GNB1: variants seen among roughly 807,000 people sequenced by gnomAD.
GNB1 encodes the protein G protein subunit beta 1, also known as guanine nucleotide-binding protein G(I)/G(S)/G(T) subunit beta-1.
A neutral mutation model predicts 42.9 loss-of-function variants in GNB1; 2 were observed. The observed-to-expected ratio is 0.05, with a 90% CI of 0.02 to 0.15. The LOEUF is 0.15. Among genes scored for constraint, GNB1 ranks in the 10% least tolerant of loss-of-function variants. The pLI is 1.00. For synonymous variants in GNB1, 183 were observed against 174.7 expected (o/e 1.05, Z -0.38); for missense variants, 193 against 462.2 (o/e 0.42, Z 5.34).
chr1:1,879,708 GAAA>G (rs574427054), intron 1 of GNB1, among the ~76,000 whole-genome samples: 3 of 118,488 alleles, frequency 2.5e-5, no homozygotes, highest in Non-Finnish European at 5.4e-5. Flanking sequence ...CTGTCTCAGG[GAAA>G]AAAAAAAAAA....
rs183079057 is a variant in GNB1, at chr1:1,818,620, T to C, written c.58-745A>G. 7.4e-3 allele frequency among the ~76,000 whole-genome samples: 1,125 copies of C among 152,152 alleles called. 20 individuals carry two copies. The highest frequency in any genetic ancestry group is 0.026 in the African/African-American group (1,072 of 41,528). ...GCTGACACCTATAATCCCAGCACTT[T>C]GGGAGGCCGAGGTGGGTGGATCACC... On this transcript the variant is annotated intron_variant, in intron 3 of 11. Coordinates refer to ENST00000378609, the MANE Select transcript of GNB1 (RefSeq NM_002074.5).
chr1:1,871,141 C>A (rs1188965296), intron 1 of GNB1, among the ~76,000 whole-genome samples: 2 of 152,060 alleles, frequency 1.3e-5, no homozygotes, highest in Non-Finnish European at 2.9e-5. Flanking sequence ...CCACCTAGTA[C>A]CTGCAGTCCT....
chr1:1,812,403 T>TAC (rs1468991069), intron 5 of GNB1, among the ~76,000 whole-genome samples: 29 of 55,614 alleles, frequency 5.2e-4, no homozygotes, highest in African/African-American at 7.4e-4. Context: ...TACACACACA[T>TAC]ACATACACAC....
At chr1:1,880,043 T>C (rs1276199682) in intron 1 of GNB1, among the ~76,000 whole-genome samples, 1 of 151,896 alleles carries the variant, frequency 6.6e-6, no homozygotes, top group Non-Finnish European at 1.5e-5. Context: ...TCAATCCTCC[T>C]GCCTCAGCCT....
At chr1:1,838,327 C>T (rs941737837) in intron 2 of GNB1, among the ~76,000 whole-genome samples, 4 of 152,160 alleles carry the variant, frequency 2.6e-5, no homozygotes, top group Admixed American at 1.3e-4. Context: ...AAACCATGTA[C>T]CCTCCTCACC....
chr1:1,850,000 C>T (rs536297928), intron 1 of GNB1, among the ~76,000 whole-genome samples: 21 of 152,114 alleles, frequency 1.4e-4, no homozygotes, highest in African/African-American at 4.6e-4. Flanking sequence ...GATGGAGTCT[C>T]GCTCTGTACA....
chr1:1,888,860 C>A (rs1414386967), intron 1 of GNB1, among the ~76,000 whole-genome samples: 1 of 152,094 alleles, frequency 6.6e-6, no homozygotes, highest in African/African-American at 2.4e-5. Flanking sequence ...GAAAGTTCTG[C>A]CTTAGCATAA....
chr1:1,829,864 G>A (rs1056832590), intron 2 of GNB1, among the ~76,000 whole-genome samples: 2 of 151,934 alleles, frequency 1.3e-5, no homozygotes, highest in South Asian at 2.1e-4. Flanking sequence ...TCAGCCTCCC[G>A]AGTAGCTGGG....
In GNB1 at chr1:1,803,783, A is replaced by C. The variant is rs944724352; in HGVS notation, c.430+636T>G. ...CGGATCACAATGTCAGGAGTTCAAGACCAGCCTGGCCAATACAGCAAAACC... is the reference window on the plus strand; with the variant it reads ...CGGATCACAATGTCAGGAGTTCAAGCCCAGCCTGGCCAATACAGCAAAACC... On this transcript the variant is annotated intron_variant, in intron 7 of 11. Coordinates refer to ENST00000378609, the MANE Select transcript of GNB1 (RefSeq NM_002074.5). Among the ~76,000 whole-genome samples, 103 of 151,938 alleles carry C rather than the reference A, an allele frequency of 6.8e-4. 1 individual carries two copies. Among genetic ancestry groups the C allele is most frequent in the Admixed American group, 3.3e-3 (51 of 15,236 alleles).
In GNB1 at chr1:1,881,667, T is replaced by C. The variant is rs183961672; in HGVS notation, c.-96+9153A>G. 3.3e-5 allele frequency among the ~76,000 whole-genome samples: 5 copies of C among 152,288 alleles called. No homozygotes were observed. In the East Asian group the frequency reaches 9.6e-4, roughly 29 times the overall value. ...CGCCCGCCCTGGCCTCCCAAAGTGG[T>C]GGGATTACAGGCATAAGCCACTGTG... On this transcript the variant is annotated intron_variant, in intron 1 of 11. Coordinates refer to ENST00000378609, the MANE Select transcript of GNB1 (RefSeq NM_002074.5).
intron 1 of GNB1, among the ~76,000 whole-genome samples, chr1:1,861,758 C>T (rs1648642096): frequency 6.6e-6 from 1 of 152,074 alleles, no homozygotes; most frequent in Admixed American, 6.6e-5. Context: ...TCAAGCAACA[C>T]AGACAGCACT....
intron 6 of GNB1, among the ~76,000 whole-genome samples, chr1:1,805,083 A>C (rs1190001908): frequency 6.6e-6 from 1 of 152,056 alleles, no homozygotes; most frequent in African/African-American, 2.4e-5. Context: ...AATCACTTGA[A>C]CCCGGGAGGC....
intron 8 of GNB1, among the ~76,000 whole-genome samples, chr1:1,791,172 A>ATTTT (rs34703999): frequency 8.5e-5 from 12 of 141,918 alleles, no homozygotes; most frequent in African/African-American, 2.6e-4. Context: ...CACACCTGGT[A>ATTTT]TTTTTTTTTT....
intron 1 of GNB1, among the ~76,000 whole-genome samples, chr1:1,876,429 G>A (rs1330084119): frequency 6.6e-6 from 1 of 151,934 alleles, no homozygotes. Context: ...GGGACTACAG[G>A]TGTACACCAT....
intron 1 of GNB1, among the ~76,000 whole-genome samples, chr1:1,858,834 A>T (rs1044254380): frequency 1.3e-5 from 2 of 152,146 alleles, no homozygotes; most frequent in African/African-American, 4.8e-5. Flanking sequence ...ATCCTAATAA[A>T]GCCCTGTTTG....
At chr1:1,879,263 C>T (rs1400167050) in intron 1 of GNB1, among the ~76,000 whole-genome samples, 1 of 152,236 alleles carries the variant, frequency 6.6e-6, no homozygotes, top group Non-Finnish European at 1.5e-5. Flanking sequence ...ACATCCTCAA[C>T]TATTAAGGAC....
chr1:1,890,342 G>T (rs1410026638), intron 1 of GNB1: 1 of 151,296 alleles, frequency 6.6e-6, no homozygotes, highest in Non-Finnish European at 1.5e-5. Flanking sequence ...GCGCCCCGCG[G>T]CCGCCCGGCC....
At chr1:1,795,347 T>C (rs1646532264) in intron 7 of GNB1, among the ~76,000 whole-genome samples, 1 of 152,110 alleles carries the variant, frequency 6.6e-6, no homozygotes, top group Non-Finnish European at 1.5e-5. Context: ...CCGAGCCTTG[T>C]AGCACTTAGC....
At chr1:1,829,283 T>C (rs1209190651) in intron 2 of GNB1, among the ~76,000 whole-genome samples, 1 of 152,194 alleles carries the variant, frequency 6.6e-6, no homozygotes, top group Admixed American at 6.5e-5. Context: ...AAGGAACTCC[T>C]GACCTCAGGT....
Sources: allele counts gnomAD v4.1 joint callset (sites outside exome capture counted in the v4.1 genomes callset), GRCh38; gene constraint gnomAD v4.1.1; transcripts MANE v1.5; gene names NCBI Gene and HGNC (gene_info 2026-07-23, HGNC 2026-07-21).